The following SSX1 variants were observed in gnomAD, a reference collection of about 807,000 sequenced individuals.
SSX1 encodes SSX family member 1, also known as protein SSX1.
SSX1 carries 58 observed loss-of-function variants against 14.6 expected under a neutral mutation model. The observed-to-expected ratio is 3.96, with a 90% CI of 3.21 to 4.93. The LOEUF is 4.93. Among genes scored for constraint, SSX1 ranks in the 30% most tolerant of loss-of-function variants. The pLI, the probability that SSX1 is intolerant of heterozygous loss-of-function variation, is 0.00. For missense variants in SSX1, 272 were observed against 143.1 expected, an observed-to-expected ratio of 1.90 and a Z score of -4.60; for synonymous variants, 46 against 52.1, an observed-to-expected ratio of 0.88 and a Z score of 0.50.
chrX:48,261,822 A>G lies in SSX1; in HGVS notation c.330+7A>G, dbSNP rs782220086. ...CCACAGAATCATCCCGAAGGTGAGT[A>G]TCTCTCAAATCTAAAGGACCAGAGA... On this transcript the variant is annotated splice_region_variant and intron_variant, in intron 5 of 7. Transcript: ENST00000376919. 4.8e-5 allele frequency: 58 copies of G among 1,207,545 alleles called. No homozygotes were observed. Among genetic ancestry groups the G allele is most frequent in the Non-Finnish European group, 5.6e-5 (50 of 893,301 alleles).
chrX:48,260,043 G>A (rs1174631381), intron 4 of SSX1, among the ~76,000 whole-genome samples: 1 of 99,136 alleles, frequency 1.0e-5, no homozygotes, highest in Non-Finnish European at 2.1e-5. Flanking sequence ...TTCCACAATG[G>A]TTGAACTAGT....
In SSX1 at chrX:48,266,300, G is replaced by GA; in HGVS notation, c.483dup (p.His162ThrfsTer9). ...TCTCCATCATAGGACCCAAAAGGGG[G>GA]AAACATGCCTGGACCCACAGACTGC... On this transcript the variant is annotated frameshift_variant, in exon 7 of 8. Transcript: ENST00000376919. LOFTEE classifies it high-confidence loss of function. The GA allele has an allele frequency of 8.3e-7, 1 of 1,209,912 alleles. No homozygotes were observed. The highest frequency in any genetic ancestry group is 1.1e-6 in the Non-Finnish European group (1 of 895,319).
intron 6 of SSX1, among the ~76,000 whole-genome samples, chrX:48,265,935 T>C (rs782390925): frequency 3.0e-4 from 34 of 111,560 alleles, no homozygotes; most frequent in African/African-American, 1.1e-3. Flanking sequence ...AAAATTACAG[T>C]GTCTGCATAG....
In SSX1 at chrX:48,257,757, T is replaced by C. The variant is rs781796809; in HGVS notation, c.81T>C (p.Asp27=). 8.3e-7 allele frequency: 1 copy of C among 1,200,171 alleles called. No individual in the cohort carries two copies. Among genetic ancestry groups the C allele is most frequent in the Non-Finnish European group, 1.1e-6 (1 of 886,986 alleles). ...TTTATTTTTTTTAGGCCTTTGATGA[T>C]ATTGCCACATACTTCTCTAAGAAAG... ...ASEKRSKAFD[D]IATYFSKKEW... The change falls in exon 3 of 8, where the codon GAT becomes GAC. Residue 27 remains aspartate, a synonymous_variant. Coordinates refer to ENST00000376919, the MANE Select transcript of SSX1 (RefSeq NM_005635.4).
intron 1 of SSX1, among the ~76,000 whole-genome samples, chrX:48,256,300 T>TTTTTA (rs2059581021): frequency 9.4e-6 from 1 of 106,276 alleles, no homozygotes; most frequent in African/African-American, 3.5e-5. Flanking sequence ...CCACTAATAC[T>TTTTTA]TTTTATTTTA....
chrX:48,255,891 A>C (rs1601944225), intron 1 of SSX1, among the ~76,000 whole-genome samples: 1 of 85,376 alleles, frequency 1.2e-5, no homozygotes. Context: ...CATCCTGCCC[A>C]TGCTTTTTTT....
chrX:48,256,305 A>T (rs1556934318), intron 1 of SSX1, among the ~76,000 whole-genome samples: 1 of 104,613 alleles, frequency 9.6e-6, no homozygotes, highest in African/African-American at 3.5e-5. Context: ...AATACTTTTT[A>T]TTTTATTTTA....
chrX:48,265,291 C>G (rs1556936209), intron 6 of SSX1, among the ~76,000 whole-genome samples: 2 of 112,435 alleles, frequency 1.8e-5, no homozygotes, highest in Non-Finnish European at 3.7e-5. Context: ...GCCTAGCTTT[C>G]ATCCTGTCTC....
At chrX:48,256,426 A>G (rs1556934348) in intron 1 of SSX1, among the ~76,000 whole-genome samples, 1 of 86,195 alleles carries the variant, frequency 1.2e-5, no homozygotes, top group Admixed American at 1.4e-4. Flanking sequence ...GGCCTGTGCC[A>G]CCGCCCCCAG....
At chrX:48,263,078 G>C (rs782028373) in intron 5 of SSX1, among the ~76,000 whole-genome samples, 3 of 109,424 alleles carry the variant, frequency 2.7e-5, no homozygotes, top group Non-Finnish European at 5.7e-5. Context: ...AGATTGCAGT[G>C]AGCCAAGATC....
intron 4 of SSX1, among the ~76,000 whole-genome samples, chrX:48,261,289 T>C (rs2059602944): frequency 8.9e-6 from 1 of 111,850 alleles, no homozygotes; most frequent in African/African-American, 3.2e-5. Context: ...CTTGAGTATC[T>C]GCCAAGTTTT....
At chrX:48,259,415 A>T (rs1556935128) in intron 4 of SSX1, among the ~76,000 whole-genome samples, 1 of 109,924 alleles carries the variant, frequency 9.1e-6, no homozygotes, top group East Asian at 2.8e-4. Flanking sequence ...TGTTTGAAAC[A>T]TTTCTTTTTT....
At position 48,261,811 on chromosome X, in the gene SSX1, C is replaced by T. The variant is rs139195586; in HGVS notation, c.326C>T (p.Pro109Leu). 1.9e-4 allele frequency: 229 copies of T among 1,208,584 alleles called. No individual in the cohort carries two copies. Among genetic ancestry groups the T allele is most frequent in the South Asian group, 4.4e-4 (25 of 56,739 alleles). The change falls in exon 5 of 8, where the codon CCG becomes CTG. Residue 109 changes from proline (P) to leucine (L), a missense_variant. Physicochemically the swap from Pro to Leu is moderately conservative, Grantham distance 98 (BLOSUM62 -3). Coordinates refer to ENST00000376919, the MANE Select transcript of SSX1 (RefSeq NM_005635.4). ...MTFGRLHRII[P>L]KIMPKKPAED... Reference sequence around the variant, plus strand: ...TTCGGCAGGCTCCACAGAATCATCCCGAAGGTGAGTATCTCTCAAATCTAA... The same window carrying T: ...TTCGGCAGGCTCCACAGAATCATCCTGAAGGTGAGTATCTCTCAAATCTAA...
chrX:48,255,941 C>T (rs1219836343), intron 1 of SSX1, among the ~76,000 whole-genome samples: 1 of 102,642 alleles, frequency 9.7e-6, no homozygotes, highest in East Asian at 3.1e-4. Context: ...ACTATGTTGG[C>T]CAGGCTGGCC....
In SSX1 at chrX:48,258,641, T is replaced by C. The variant is rs1556934970; in HGVS notation, c.280+10T>C. 1.7e-6 allele frequency: 2 copies of C among 1,172,150 alleles called. No individual in the cohort carries two copies. The highest frequency in any genetic ancestry group is 2.3e-6 in the Non-Finnish European group (2 of 863,119). Reference sequence around the variant, plus strand: ...AACCGCAGGATTCAGGGTGAGTAGATGGGAAGTGGCTGGAAAGGTCTCCTG... The same window carrying C: ...AACCGCAGGATTCAGGGTGAGTAGACGGGAAGTGGCTGGAAAGGTCTCCTG... On this transcript the variant is annotated intron_variant, in intron 4 of 7. Transcript: ENST00000376919.
intron 4 of SSX1, 119 bp downstream of exon 4, chrX:48,258,750 A>C: frequency 3.7e-6 from 2 of 541,424 alleles, no homozygotes; most frequent in South Asian, 3.3e-5. Flanking sequence ...TGAGTGAAAA[A>C]AAAAATTGCA....
In SSX1 at chrX:48,258,603, T is replaced by G. The variant is rs1332068974; in HGVS notation, c.252T>G (p.Phe84Leu). 8.3e-7 allele frequency: 1 copy of G among 1,208,104 alleles called. No homozygotes were observed. The highest frequency in any genetic ancestry group is 1.1e-6 in the Non-Finnish European group (1 of 892,695). Residue 84 changes from phenylalanine to leucine, a missense_variant, in exon 4 of 8, where the codon TTT becomes TTG. Physicochemically the swap from Phe to Leu is conservative, Grantham distance 22 (BLOSUM62 0). Transcript: ENST00000376919. ...CCACAGACTTCCAGGGGAATGATTTTGATAATGACCATAACCGCAGGATTC... is the reference window on the plus strand; with the variant it reads ...CCACAGACTTCCAGGGGAATGATTTGGATAATGACCATAACCGCAGGATTC... ...KQATDFQGND[F>L]DNDHNRRIQV... is the part of the protein sequence containing the mutation.
At chrX:48,260,749 A>G (rs1199199220) in intron 4 of SSX1, among the ~76,000 whole-genome samples, 1 of 108,032 alleles carries the variant, frequency 9.3e-6, no homozygotes, top group Non-Finnish European at 1.9e-5. Context: ...AACACTGTTA[A>G]TGAATCAAAG....
chrX:48,266,838 C>T lies in SSX1; in HGVS notation c.*5-16C>T. 11 of 993,454 alleles carry T rather than the reference C, an allele frequency of 1.1e-5. No homozygotes were observed. The highest frequency in any genetic ancestry group is 1.3e-5 in the Non-Finnish European group (9 of 711,940). 81.9% of individuals were successfully genotyped at this position (993,454 alleles called of 1,213,427 possible). The stretch of plus-strand genomic sequence containing the variant: ...AACTCGCTGTCACTTACTTTCCTTC[C>T]CTCTTCTCGCCTCAGCCTGGGGGAT... On this transcript the variant is annotated splice_polypyrimidine_tract_variant and intron_variant, in intron 7 of 7. Transcript: ENST00000376919.
Sources: gnomAD v4.1 joint callset for allele counts (sites outside exome capture counted in the v4.1 genomes callset) on GRCh38, gnomAD v4.1.1 for gene constraint, MANE v1.5 for transcripts, NCBI Gene and HGNC (gene_info 2026-07-23, HGNC 2026-07-21) for gene names.